Variants in HEMK2 observed in about 807,000 individuals in gnomAD.
HEMK2 encodes methyltransferase HEMK2.
chr21:28,591,291 G>A, the HEMK2 span, among the ~76,000 whole-genome samples: 1 of 152,168 alleles, frequency 6.6e-6, no homozygotes, highest in Non-Finnish European at 1.5e-5. Context: ...GTTTTCAAGA[G>A]AAAGTTAGCA....
At chr21:28,639,851 C>T in the HEMK2 span, among the ~76,000 whole-genome samples, 2 of 152,188 alleles carry the variant, frequency 1.3e-5, no homozygotes, top group East Asian at 1.9e-4. Flanking sequence ...TCTGTCAAAA[C>T]TTGTGCCAGT....
At chr21:28,720,983 A>C in the HEMK2 span, among the ~76,000 whole-genome samples, 2 of 152,172 alleles carry the variant, frequency 1.3e-5, no homozygotes, top group African/African-American at 2.4e-5. Flanking sequence ...TTTTACACTT[A>C]ATGTTTGACA....
chr21:28,653,834 T>C, the HEMK2 span, among the ~76,000 whole-genome samples: 4 of 152,154 alleles, frequency 2.6e-5, no homozygotes, highest in Non-Finnish European at 2.9e-5. Context: ...CCAGATATTA[T>C]TGAGAAATTA....
chr21:28,730,383 G>GACAC, the HEMK2 span, among the ~76,000 whole-genome samples: 46 of 115,910 alleles, frequency 4.0e-4, 1 homozygote, highest in South Asian at 3.4e-3. Flanking sequence ...AACACACACA[G>GACAC]ACACACACAC....
the HEMK2 span, among the ~76,000 whole-genome samples, chr21:28,811,019 T>G: frequency 1.3e-5 from 2 of 152,174 alleles, no homozygotes; most frequent in African/African-American, 4.8e-5. Flanking sequence ...AAAGGCTAAG[T>G]TGTGCAATAC....
the HEMK2 span, among the ~76,000 whole-genome samples, chr21:28,616,746 A>G: frequency 2.0e-5 from 3 of 152,184 alleles, no homozygotes; most frequent in Admixed American, 2.0e-4. Context: ...TACAAGTACC[A>G]TTTGTATACC....
At chr21:28,640,384 G>A in the HEMK2 span, among the ~76,000 whole-genome samples, 33 of 152,260 alleles carry the variant, frequency 2.2e-4, no homozygotes, top group Admixed American at 1.8e-3. Flanking sequence ...GCTCTTGTGC[G>A]AGGGCACAGG....
the HEMK2 span, among the ~76,000 whole-genome samples, chr21:28,590,545 T>C: frequency 6.6e-6 from 1 of 152,210 alleles, no homozygotes; most frequent in South Asian, 2.1e-4. Context: ...AGTTCTATCA[T>C]GGTGAACTGA....
At chr21:28,885,136 C>G in the HEMK2 span, 1 of 1,445,758 alleles carries the variant, frequency 6.9e-7, no homozygotes, top group South Asian at 1.4e-5. Context: ...TGATAGTCAC[C>G]GTTCCGGCCC....
chr21:28,840,692 A>T, the HEMK2 span, among the ~76,000 whole-genome samples: 1 of 152,050 alleles, frequency 6.6e-6, no homozygotes, highest in Non-Finnish European at 1.5e-5. Flanking sequence ...CAAAAAATCA[A>T]AAACAGTAGA....
the HEMK2 span, among the ~76,000 whole-genome samples, chr21:28,831,751 GAAAGAAAGAAAGAAAGAAAGAAAC>G: frequency 6.7e-6 from 1 of 149,150 alleles, no homozygotes; most frequent in African/African-American, 2.5e-5. Context: ...AAGAAAGAAA[GAAAGAAAGAAAGAAAGAAAGAAAC>G]AGTATCACCT....
the HEMK2 span, among the ~76,000 whole-genome samples, chr21:28,737,550 T>C: frequency 6.6e-6 from 1 of 152,010 alleles, no homozygotes; most frequent in Non-Finnish European, 1.5e-5. Flanking sequence ...GGCCTACTTG[T>C]GTTTTAATGG....
chr21:28,838,972 AATATATAT>A, the HEMK2 span, among the ~76,000 whole-genome samples: 393 of 29,128 alleles, frequency 0.013, 7 homozygotes, highest in South Asian at 0.022. Flanking sequence ...AAAAAAAAAA[AATATATAT>A]ATATATATAT....
chr21:28,821,415 T>G, the HEMK2 span, among the ~76,000 whole-genome samples: 6 of 152,182 alleles, frequency 3.9e-5, no homozygotes, highest in Non-Finnish European at 7.3e-5. Flanking sequence ...CTGGAAATAT[T>G]TAAATGAGTT....
At chr21:28,751,013 A>G in the HEMK2 span, among the ~76,000 whole-genome samples, 54,554 of 151,670 alleles carry the variant, frequency 0.36, 11,372 homozygotes, top group African/African-American at 0.57. Context: ...GGCGGATCAC[A>G]AGGTCCAGGA....
At chr21:28,747,254 T>C in the HEMK2 span, among the ~76,000 whole-genome samples, 1 of 152,206 alleles carries the variant, frequency 6.6e-6, no homozygotes, top group Non-Finnish European at 1.5e-5. Context: ...AGAGTTGTCC[T>C]GCAAGGCCCG....
chr21:28,702,383 A>T, the HEMK2 span, among the ~76,000 whole-genome samples: 3 of 152,204 alleles, frequency 2.0e-5, no homozygotes, highest in African/African-American at 7.2e-5. Context: ...CTATCAACAG[A>T]CTAAACAGAC....
At chr21:28,878,674 A>G in the HEMK2 span, among the ~76,000 whole-genome samples, 37 of 152,056 alleles carry the variant, frequency 2.4e-4, no homozygotes, top group Non-Finnish European at 2.8e-4. Flanking sequence ...AAGTATATTT[A>G]AAGTTTTGAG....
the HEMK2 span, among the ~76,000 whole-genome samples, chr21:28,825,576 G>C: frequency 1.2e-4 from 18 of 152,296 alleles, no homozygotes; most frequent in Non-Finnish European, 2.2e-4. Context: ...CAAAACAGGA[G>C]CTCCATCTTA....
Sources: allele counts gnomAD v4.1 joint callset (sites outside exome capture counted in the v4.1 genomes callset), GRCh38; gene constraint gnomAD v4.1.1; transcripts MANE v1.5; gene names NCBI Gene and HGNC (gene_info 2026-07-23, HGNC 2026-07-21).